The following ANXA2 variants were observed in gnomAD, a reference collection of about 807,000 sequenced individuals.
ANXA2 encodes annexin II.
Under a neutral mutation model 47.3 loss-of-function variants are expected in ANXA2, and 28 were observed. The observed-to-expected ratio is 0.59, with a 90% CI of 0.44 to 0.81. The LOEUF is 0.81. Ranked by LOEUF, ANXA2 falls within the 40% of genes least tolerant of loss-of-function variation. The pLI is 0.00. For missense variants in ANXA2, 384 were observed against 414.3 expected, an observed-to-expected ratio of 0.93 and a Z score of 0.64; for synonymous variants, 172 against 155.5, an observed-to-expected ratio of 1.11 and a Z score of -0.79.
rs930420388 is a variant in ANXA2 at position 60,354,281 on chromosome 15, C to T, written c.529-68G>A. ...TATTTTAAAACTGAAAATGTTTTCTCCCCAGTCCATGTACGCCATTATTTA... is the reference window on the plus strand; with the variant it reads ...TATTTTAAAACTGAAAATGTTTTCTTCCCAGTCCATGTACGCCATTATTTA... On this transcript the variant is annotated intron_variant, in intron 7 of 12. Coordinates refer to ENST00000451270, the MANE Select transcript of ANXA2 (RefSeq NM_004039.3). 6.2e-6 allele frequency: 8 copies of T among 1,286,560 alleles called. No individual in the cohort carries two copies. In the African/African-American group the frequency reaches 1.2e-4, roughly 19 times the overall value. 79.7% of individuals were successfully genotyped at this position (1,286,560 alleles called of 1,614,324 possible).
chr15:60,379,150 A>T (rs1213740238), intron 3 of ANXA2, among the ~76,000 whole-genome samples: 1 of 151,290 alleles, frequency 6.6e-6, no homozygotes, highest in Non-Finnish European at 1.5e-5. Context: ...GTGGTGGCGC[A>T]CACCTGTAAT....
chr15:60,372,234 C>T (rs374950105), intron 3 of ANXA2, among the ~76,000 whole-genome samples: 5 of 152,098 alleles, frequency 3.3e-5, no homozygotes, highest in East Asian at 3.8e-4. Context: ...TATTCTATCA[C>T]GTACTTCTCA....
In ANXA2 at chr15:60,351,202, G is replaced by GTTA. The variant is rs1403832871; in HGVS notation, c.827_828insTAA (p.Asp276_Ser277insAsn). 4 of 1,614,192 alleles carry GTTA rather than the reference G, an allele frequency of 2.5e-6. No homozygotes were observed. In the African/African-American group the frequency reaches 5.3e-5, roughly 22 times the overall value. ...AGCCAGCTGCCCTTACCTTCATGGA[G>GTTA]TCATACAGCCGATCAGCAAAATACA... On this transcript the variant is annotated inframe_insertion, in exon 11 of 13. Transcript: ENST00000451270.
intron 6 of ANXA2, among the ~76,000 whole-genome samples, chr15:60,356,540 T>G (rs571120535): frequency 6.6e-6 from 1 of 152,134 alleles, no homozygotes; most frequent in South Asian, 2.1e-4. Context: ...ATGTGTGAGG[T>G]GATGGATATC....
intron 3 of ANXA2, among the ~76,000 whole-genome samples, chr15:60,368,823 T>C (rs902471537): frequency 6.6e-6 from 1 of 152,314 alleles, no homozygotes; most frequent in Non-Finnish European, 1.5e-5. Flanking sequence ...GTGACTTCAC[T>C]TCAAGAGAGT....
In ANXA2 at chr15:60,351,178, G is replaced by T. The variant is rs200955589; in HGVS notation, c.837+15C>A. 69 of 1,613,692 alleles carry T rather than the reference G, an allele frequency of 4.3e-5. No individual in the cohort carries two copies. Among genetic ancestry groups the T allele is most frequent in the Non-Finnish European group, 5.4e-5 (64 of 1,179,734 alleles). On this transcript the variant is annotated intron_variant, in intron 11 of 12. Transcript: ENST00000451270. Reference sequence around the variant, plus strand: ...TGAGTGTGGAAACACAGCTCTCTCAGCCAGCTGCCCTTACCTTCATGGAGT... The same window carrying T: ...TGAGTGTGGAAACACAGCTCTCTCATCCAGCTGCCCTTACCTTCATGGAGT...
At chr15:60,381,850 C>T (rs1265756474) in intron 3 of ANXA2, among the ~76,000 whole-genome samples, 1 of 152,112 alleles carries the variant, frequency 6.6e-6, no homozygotes, top group East Asian at 1.9e-4. Flanking sequence ...CAACTTCTTC[C>T]TTGCAGAAGA....
chr15:60,386,052 C>A lies in ANXA2; in HGVS notation c.24G>T (p.Leu8=). ...CATCACCCTCCAAGCTGAGCTTGCA[C>A]AGGATTTCGTGAACAGTAGACATTT... is the stretch of plus-strand genomic sequence containing the variant. The part of the protein sequence containing the change: MSTVHEI[L]CKLSLEGDHS... The change falls in exon 2 of 13, where the codon CTG becomes CTT. Residue 8 remains leucine (L), a synonymous_variant. Coordinates refer to ENST00000451270, the MANE Select transcript of ANXA2 (RefSeq NM_004039.3). 6.2e-7 allele frequency: 1 copy of A among 1,612,934 alleles called. No individual in the cohort carries two copies. The highest frequency in any genetic ancestry group is 8.5e-7 in the Non-Finnish European group (1 of 1,179,546).
At chr15:60,355,318 A>G (rs988373870) in intron 7 of ANXA2, 4 of 163,166 alleles carry the variant, frequency 2.5e-5, no homozygotes, top group Admixed American at 1.8e-4. Flanking sequence ...TGTTGCAGTA[A>G]TGGAGATGTG....
chr15:60,352,304 T>A lies in ANXA2; in HGVS notation c.682+79A>T. 1.1e-6 allele frequency: 1 copy of A among 944,310 alleles called. No individual in the cohort carries two copies. The highest frequency in any genetic ancestry group is 2.2e-5 in the Admixed American group (1 of 46,330). 58.5% of individuals were successfully genotyped at this position (944,310 alleles called of 1,614,324 possible). On this transcript the variant is annotated intron_variant, in intron 9 of 12. Coordinates refer to ENST00000451270, the MANE Select transcript of ANXA2 (RefSeq NM_004039.3). This position sits in a 1 kb window ranked among gnomAD's most constrained non-coding sequence, Gnocchi z 4.2. ...GAGACAGAACCTCATTCTGGCAGAC[T>A]CCATCCCAACATGGACATCCACCCA...
chr15:60,392,172 TTC>T (rs1424414922), intron 1 of ANXA2, among the ~76,000 whole-genome samples: 1 of 152,166 alleles, frequency 6.6e-6, no homozygotes, highest in Non-Finnish European at 1.5e-5. Context: ...AAAGAACAGT[TTC>T]TTCTGCCTTG....
At chr15:60,377,074 G>A (rs1315913428) in intron 3 of ANXA2, among the ~76,000 whole-genome samples, 1 of 152,230 alleles carries the variant, frequency 6.6e-6, no homozygotes, top group Non-Finnish European at 1.5e-5. Flanking sequence ...GTCCTTTGAT[G>A]TCAAGGAAAC....
In ANXA2 at chr15:60,359,691, A is replaced by C. The variant is rs1467995450; in HGVS notation, c.357+1250T>G. 2.0e-5 allele frequency among the ~76,000 whole-genome samples: 3 copies of C among 152,304 alleles called. No homozygotes were observed. In the East Asian group the frequency reaches 5.8e-4, roughly 29 times the overall value. On this transcript the variant is annotated intron_variant, in intron 5 of 12. Transcript: ENST00000451270. ...CCTCACTCTTGTGTTCTCTGGGAAA[A>C]GGATGACAACTGAACTGTGACATTA...
In ANXA2 at chr15:60,352,983, CA is replaced by C. The variant is rs2062371661; in HGVS notation, c.589-508del. ...ATTTAGGGGCTACAAGTAGCCCTAA[CA>C]ATGGCAGGGAGGGCAAGAGGAAGAA... On this transcript the variant is annotated intron_variant, in intron 8 of 12. Transcript: ENST00000451270. The surrounding 1 kb of genome is among the most constrained non-coding windows in gnomAD (Gnocchi z 4.2). 6.6e-6 allele frequency among the ~76,000 whole-genome samples: 1 copy of C among 152,108 alleles called. No individual in the cohort carries two copies. Among genetic ancestry groups the C allele is most frequent in the African/African-American group, 2.4e-5 (1 of 41,418 alleles).
At chr15:60,392,968 C>A in intron 1 of ANXA2, 433 of 959,074 alleles carry the variant, frequency 4.5e-4, no homozygotes, top group Non-Finnish European at 5.4e-4. Context: ...AAAAAATGTA[C>A]TGGGTGAGGA....
Position 60,354,002 on chromosome 15 carries a change from T to C in ANXA2, c.588+152A>G, listed in dbSNP as rs565406088. The C allele has an allele frequency of 1.7e-4, 103 of 616,640 alleles. No homozygotes were observed. The South Asian group carries it at 1.8e-3, about 11-fold the overall frequency. The allele number at this position is 616,640 out of a possible 1,614,324, so 38.2% of individuals were successfully genotyped here. A position where few individuals can be genotyped will look rare whatever the true frequency, so the allele number is the denominator to read the frequency against. On this transcript the variant is annotated intron_variant, in intron 8 of 12. Transcript: ENST00000451270. ...CAATTGGGCTAATCTACTCCTCAATTCCTGACACACAGAAACTGAGAAATA... is the reference window on the plus strand; with the variant it reads ...CAATTGGGCTAATCTACTCCTCAATCCCTGACACACAGAAACTGAGAAATA...
rs540582218 is a variant in ANXA2, at chr15:60,349,128, T to C, written c.907A>G (p.Ile303Val). 6.2e-7 allele frequency: 1 copy of C among 1,614,052 alleles called. No individual in the cohort carries two copies. Among genetic ancestry groups the C allele is most frequent in the African/African-American group, 1.3e-5 (1 of 75,030 alleles). ...TACTTTCTCTTGAATTCAGACCTAA[T>C]TTTCAACATGTCCACTTCACTGCGG... ...VSRSEVDMLK[I>V]RSEFKRKYGK... The change falls in exon 12 of 13, where the codon ATT becomes GTT. Residue 303 changes from isoleucine (I) to valine (V), a missense_variant. Ile to Val is a conservative substitution (Grantham distance 29). Transcript: ENST00000451270.
chr15:60,395,063 A>C (rs1056067265), intron 1 of ANXA2, among the ~76,000 whole-genome samples: 2 of 152,072 alleles, frequency 1.3e-5, no homozygotes, highest in African/African-American at 4.8e-5. Context: ...TTAAGACACC[A>C]TAATTTTAAG....
chr15:60,349,339 C>T (rs867998643), intron 11 of ANXA2, 142 bp from the exon 12 acceptor site: 14 of 800,234 alleles, frequency 1.7e-5, no homozygotes, highest in Non-Finnish European at 2.2e-5. Context: ...CGACATGATG[C>T]CACAATGAAA....
Sources: allele counts gnomAD v4.1 joint callset (sites outside exome capture counted in the v4.1 genomes callset), GRCh38; gene constraint gnomAD v4.1.1; non-coding constraint Gnocchi (gnomAD v3.1); transcripts MANE v1.5; gene names NCBI Gene and HGNC (gene_info 2026-07-23, HGNC 2026-07-21).